STK32C: variants seen among roughly 807,000 people sequenced by gnomAD.
STK32C encodes the protein serine/threonine-protein kinase 32C.
Under a neutral mutation model 56.5 loss-of-function variants are expected in STK32C, and 31 were observed. That is an observed-to-expected ratio of 0.55 (90% CI 0.41 to 0.74). STK32C has a LOEUF of 0.74. Among genes scored for constraint, STK32C ranks in the 30% least tolerant of loss-of-function variants. The pLI, the probability that STK32C is intolerant of heterozygous loss-of-function variation, is 0.00. For synonymous variants in STK32C, 309 were observed against 289.4 expected (o/e 1.07, Z -0.69); for missense variants, 544 against 676.9 (o/e 0.80, Z 2.18).
chr10:132,226,713 C>G, intron 4 of STK32C, 82 bp downstream of exon 4: 3 of 1,528,942 alleles, frequency 2.0e-6, no homozygotes, highest in South Asian at 1.2e-5. Context: ...GGGAGTACGG[C>G]CGCCGTGCCG....
chr10:132,331,938 C>T (rs1414720857), upstream of STK32C: 35 of 511,218 alleles, frequency 6.8e-5, no homozygotes, highest in African/African-American at 1.9e-4. Context: ...CAAGCGCAAC[C>T]CCCCGCCCCA....
At chr10:132,241,982 C>T (rs943371305) in intron 2 of STK32C, among the ~76,000 whole-genome samples, 3 of 152,082 alleles carry the variant, frequency 2.0e-5, no homozygotes, top group Non-Finnish European at 4.4e-5. Flanking sequence ...TGGTGGCACA[C>T]GCCTGTAGTC....
intron 1 of STK32C, among the ~76,000 whole-genome samples, chr10:132,287,798 A>G (rs1299113126): frequency 1.3e-5 from 2 of 152,130 alleles, no homozygotes; most frequent in Non-Finnish European, 2.9e-5. Context: ...GAATTGATCT[A>G]TAGTTTCAGT....
At position 132,255,854 on chromosome 10, in the gene STK32C, G is replaced by A. The variant is rs1431843232; in HGVS notation, c.263-9899C>T. ...TTACGTGCGCTGCCCACGCATCTCCGAGGGCCCAGCTGGCCACCTTCTCCT... is the reference window on the plus strand; with the variant it reads ...TTACGTGCGCTGCCCACGCATCTCCAAGGGCCCAGCTGGCCACCTTCTCCT... On this transcript the variant is annotated intron_variant, in intron 1 of 11. Coordinates refer to ENST00000298630, the MANE Select transcript of STK32C (RefSeq NM_173575.4). The surrounding 1 kb of genome is among the most constrained non-coding windows in gnomAD (Gnocchi z 4.6). 3.9e-5 allele frequency among the ~76,000 whole-genome samples: 6 copies of A among 152,178 alleles called. No individual in the cohort carries two copies. Among genetic ancestry groups the A allele is most frequent in the East Asian group, 1.9e-4 (1 of 5,174 alleles).
intron 10 of STK32C, among the ~76,000 whole-genome samples, chr10:132,222,315 G>A (rs2062705855): frequency 6.6e-6 from 1 of 151,796 alleles, no homozygotes; most frequent in Non-Finnish European, 1.5e-5. Flanking sequence ...TGACGCACCT[G>A]GGCGAGTGTG....
At chr10:132,303,238 AG>A (rs774563856) in intron 1 of STK32C, among the ~76,000 whole-genome samples, 7 of 152,234 alleles carry the variant, frequency 4.6e-5, no homozygotes, top group Non-Finnish European at 1.0e-4. Context: ...TAATGCGAGA[AG>A]GAGAGAGCTT....
downstream of STK32C, among the ~76,000 whole-genome samples, chr10:132,322,673 G>A (rs2066431996): frequency 6.6e-6 from 1 of 152,108 alleles, no homozygotes; most frequent in African/African-American, 2.4e-5. Flanking sequence ...TAGAAGCCCT[G>A]GAATTACTAA....
chr10:132,307,249 G>A lies in STK32C; in HGVS notation c.262+323C>T, dbSNP rs905354078. The A allele has an allele frequency of 4.6e-6, 1 of 217,204 alleles. No homozygotes were observed. The highest frequency in any genetic ancestry group is 2.3e-5 in the African/African-American group (1 of 43,066). The allele number at this position is 217,204 out of a possible 1,614,324, so 13.5% of individuals were successfully genotyped here. ...CGCACGTGGGCCCGAGCGGATCACG[G>A]AAAGCGGAAAGCAGGGCTGCCACGG... On this transcript the variant is annotated intron_variant, in intron 1 of 11. Coordinates refer to ENST00000298630, the MANE Select transcript of STK32C (RefSeq NM_173575.4). This position sits in a 1 kb window ranked among gnomAD's most constrained non-coding sequence, Gnocchi z 4.4.
At chr10:132,222,106 CCA>C (rs1462278999) in intron 10 of STK32C, among the ~76,000 whole-genome samples, 1 of 144,000 alleles carries the variant, frequency 6.9e-6, no homozygotes, top group African/African-American at 2.6e-5. Flanking sequence ...ATGGCCGTCC[CCA>C]CACACACACC....
At chr10:132,316,485 G>T (rs1436286455) in intron 1 of STK32C, among the ~76,000 whole-genome samples, 2 of 152,138 alleles carry the variant, frequency 1.3e-5, no homozygotes, top group African/African-American at 4.8e-5. Context: ...CAGGCATGGT[G>T]GCATGCACCT....
chr10:132,331,200 C>CAA (rs35734065), intron 1 of STK32C, among the ~76,000 whole-genome samples: 86 of 56,134 alleles, frequency 1.5e-3, no homozygotes, highest in Non-Finnish European at 1.8e-3. Context: ...GACTCCACCT[C>CAA]AAAAAAAAAA....
chr10:132,286,929 C>A (rs936086476), intron 1 of STK32C, among the ~76,000 whole-genome samples: 2 of 152,112 alleles, frequency 1.3e-5, no homozygotes, highest in Admixed American at 6.5e-5. Context: ...AAGAAAGCAG[C>A]GAAATTGTCT....
At chr10:132,305,549 C>T (rs759900841) in intron 1 of STK32C, among the ~76,000 whole-genome samples, 5 of 152,344 alleles carry the variant, frequency 3.3e-5, no homozygotes, top group African/African-American at 7.2e-5. Context: ...AGTGCTGCCA[C>T]GGGGCCACGA....
intron 2 of STK32C, among the ~76,000 whole-genome samples, chr10:132,237,534 C>T (rs2063335807): frequency 6.6e-6 from 1 of 152,254 alleles, no homozygotes; most frequent in African/African-American, 2.4e-5. Context: ...GGTAACCACT[C>T]CTTCCTAAGC....
At chr10:132,220,389 G>A (rs1273913463) in intron 10 of STK32C, among the ~76,000 whole-genome samples, 1 of 152,210 alleles carries the variant, frequency 6.6e-6, no homozygotes, top group Non-Finnish European at 1.5e-5. Context: ...TTGGACTCAG[G>A]CCTCCAAGCC....
chr10:132,293,957 G>A (rs1307262493), intron 1 of STK32C, among the ~76,000 whole-genome samples: 1 of 152,210 alleles, frequency 6.6e-6, no homozygotes, highest in East Asian at 1.9e-4. Flanking sequence ...CCCCGAGGGA[G>A]CTCAGAGGTG....
chr10:132,281,984 C>T (rs749271379), intron 1 of STK32C, among the ~76,000 whole-genome samples: 2 of 152,256 alleles, frequency 1.3e-5, no homozygotes, highest in African/African-American at 2.4e-5. Flanking sequence ...CTCAGAGCAG[C>T]GTCCCTGCTG....
At chr10:132,331,586 G>A (rs1421916955) in exon 1 of STK32C, 1 of 1,612,832 alleles carries the variant, frequency 6.2e-7, no homozygotes, top group Admixed American at 1.7e-5. Flanking sequence ...GGAAGCCCCA[G>A]GAGAGACGCG....
At chr10:132,230,273 C>T (rs914928573) in intron 2 of STK32C, among the ~76,000 whole-genome samples, 3 of 152,246 alleles carry the variant, frequency 2.0e-5, no homozygotes, top group African/African-American at 7.2e-5. Context: ...CAGCCCCTGG[C>T]TGCCCCTGGC....
Sources: gnomAD v4.1 joint callset for allele counts (sites outside exome capture counted in the v4.1 genomes callset) on GRCh38, gnomAD v4.1.1 for gene constraint, Gnocchi (gnomAD v3.1) non-coding constraint, MANE v1.5 for transcripts, NCBI Gene and HGNC (gene_info 2026-07-23, HGNC 2026-07-21) for gene names.